The following CDK14 variants were observed in gnomAD, a reference collection of about 807,000 sequenced individuals.
CDK14 encodes cyclin-dependent kinase 14.
Under a neutral mutation model 60.7 loss-of-function variants are expected in CDK14, and 34 were observed. The ratio of observed to expected loss-of-function variants is 0.56; its 90% CI spans 0.43 to 0.75. CDK14 has a LOEUF of 0.75. Ranked by LOEUF, CDK14 falls within the 30% of genes least tolerant of loss-of-function variation. The pLI is 0.00. For missense variants in CDK14, 482 were observed against 564.1 expected (o/e 0.85, Z 1.47); for synonymous variants, 197 against 203.7 (o/e 0.97, Z 0.28).
intron 10 of CDK14, among the ~76,000 whole-genome samples, chr7:91,045,185 A>T (rs1256779197): frequency 8.5e-5 from 13 of 152,176 alleles, no homozygotes; most frequent in Non-Finnish European, 1.9e-4. Flanking sequence ...CATTGAGTGT[A>T]AGAGCCATAG....
At chr7:90,749,572 A>T (rs1584854484) in intron 4 of CDK14, among the ~76,000 whole-genome samples, 1 of 152,184 alleles carries the variant, frequency 6.6e-6, no homozygotes, top group Non-Finnish European at 1.5e-5. Flanking sequence ...GCACCAGTTC[A>T]CCTGGAATGG....
intron 14 of CDK14, among the ~76,000 whole-genome samples, chr7:91,155,166 A>G (rs1055740391): frequency 1.9e-4 from 29 of 152,208 alleles, no homozygotes; most frequent in African/African-American, 7.0e-4. Context: ...GGAGGAAAGT[A>G]GAGAGAAGGA....
rs183169423 is a variant in CDK14, at chr7:90,840,461, C to G, written c.545-22714C>G. Among the ~76,000 whole-genome samples the G allele has an allele frequency of 4.6e-5, 7 of 152,312 alleles. No homozygotes were observed. The East Asian group carries it at 1.4e-3, about 29-fold the overall frequency. ...AATAACCAGAACAGGACATTCTTCT[C>G]TAATTAACTATAAGTTCCCATTTGA... On this transcript the variant is annotated intron_variant, in intron 5 of 14. Coordinates refer to ENST00000380050, the MANE Select transcript of CDK14 (RefSeq NM_001287135.2).
At chr7:90,957,388 A>G (rs1794460231) in intron 9 of CDK14, among the ~76,000 whole-genome samples, 1 of 152,204 alleles carries the variant, frequency 6.6e-6, no homozygotes, top group Admixed American at 6.5e-5. Flanking sequence ...AGGGTATTCA[A>G]TTAAGAAAAG....
At chr7:90,770,104 T>C (rs1648342085) in intron 4 of CDK14, among the ~76,000 whole-genome samples, 1 of 152,264 alleles carries the variant, frequency 6.6e-6, no homozygotes, top group Middle Eastern at 3.2e-3. Flanking sequence ...TTTGTAGCAC[T>C]AAACGCAGCA....
intron 14 of CDK14, among the ~76,000 whole-genome samples, chr7:91,204,679 T>G (rs1174556946): frequency 6.6e-6 from 1 of 152,230 alleles, no homozygotes; most frequent in Non-Finnish European, 1.5e-5. Context: ...TTGGGCATGG[T>G]GGCTCATGCC....
chr7:90,888,456 A>G (rs2117309513), intron 6 of CDK14, among the ~76,000 whole-genome samples: 1 of 152,282 alleles, frequency 6.6e-6, no homozygotes, highest in East Asian at 1.9e-4. Flanking sequence ...TTATTTTTTA[A>G]AAGACTCTAT....
At chr7:90,736,344 G>GCTTTTTTTT (rs1563063351) in intron 3 of CDK14, among the ~76,000 whole-genome samples, 6 of 40,996 alleles carry the variant, frequency 1.5e-4, no homozygotes, top group Non-Finnish European at 1.8e-4. Flanking sequence ...ACTTTATTAT[G>GCTTTTTTTT]TTTTTGTTTT....
intron 14 of CDK14, among the ~76,000 whole-genome samples, chr7:91,201,634 TG>T (rs1802730837): frequency 6.6e-6 from 1 of 151,826 alleles, no homozygotes; most frequent in African/African-American, 2.4e-5. Context: ...GCACACTGAG[TG>T]GGGGTCCTCA....
intron 14 of CDK14, among the ~76,000 whole-genome samples, chr7:91,190,150 A>G (rs1416732968): frequency 3.3e-5 from 5 of 152,198 alleles, no homozygotes; most frequent in Admixed American, 2.0e-4. Flanking sequence ...CTTACACCAT[A>G]TGTCCAAATG....
At chr7:90,983,455 G>A (rs542802224) in intron 9 of CDK14, among the ~76,000 whole-genome samples, 26 of 152,170 alleles carry the variant, frequency 1.7e-4, no homozygotes, top group South Asian at 2.1e-4. Context: ...CGAGACGGGC[G>A]GATCACAAGG....
chr7:90,786,755 AT>A (rs10661080), intron 4 of CDK14, among the ~76,000 whole-genome samples: 95 of 148,562 alleles, frequency 6.4e-4, no homozygotes, highest in African/African-American at 1.8e-3. Context: ...TTTCTCTAAA[AT>A]TTTTTTTTTT....
chr7:90,988,026 C>T (rs1414561977), intron 10 of CDK14, among the ~76,000 whole-genome samples: 1 of 152,156 alleles, frequency 6.6e-6, no homozygotes, highest in African/African-American at 2.4e-5. Flanking sequence ...AAATTAATAG[C>T]TTGTTACCCA....
At chr7:90,625,613 TATATC>T (rs1799860948) in intron 2 of CDK14, among the ~76,000 whole-genome samples, 1 of 152,226 alleles carries the variant, frequency 6.6e-6, no homozygotes, top group Admixed American at 6.5e-5. Flanking sequence ...AATATTGTGT[TATATC>T]ATGTCTAGGA....
intron 11 of CDK14, among the ~76,000 whole-genome samples, chr7:91,046,950 T>C (rs1156842068): frequency 6.6e-6 from 1 of 152,226 alleles, no homozygotes; most frequent in Non-Finnish European, 1.5e-5. Context: ...ATTTTTCTTC[T>C]GAAAGTGCGC....
intron 9 of CDK14, among the ~76,000 whole-genome samples, chr7:90,972,190 C>T (rs1464191911): frequency 6.6e-6 from 1 of 152,134 alleles, no homozygotes; most frequent in Non-Finnish European, 1.5e-5. Context: ...TATTTTCATT[C>T]CTTAAGAGCA....
chr7:91,086,653 C>T (rs1798649143), intron 12 of CDK14, among the ~76,000 whole-genome samples: 1 of 151,164 alleles, frequency 6.6e-6, no homozygotes, highest in Non-Finnish European at 1.5e-5. Flanking sequence ...CTCACTGGGC[C>T]CCTGTGGGTG....
At chr7:90,725,078 A>G (rs1048805470) in intron 2 of CDK14, among the ~76,000 whole-genome samples, 1 of 152,184 alleles carries the variant, frequency 6.6e-6, no homozygotes, top group African/African-American at 2.4e-5. Flanking sequence ...TAGTTGAGAC[A>G]TACTCATAGG....
At chr7:91,098,241 A>G (rs1377002108) in intron 12 of CDK14, among the ~76,000 whole-genome samples, 1 of 152,224 alleles carries the variant, frequency 6.6e-6, no homozygotes, top group Admixed American at 6.5e-5. Context: ...TTTGCTTTGA[A>G]CTAAACTTTA....
Sources: gnomAD v4.1 joint callset for allele counts (sites outside exome capture counted in the v4.1 genomes callset) on GRCh38, gnomAD v4.1.1 for gene constraint, MANE v1.5 for transcripts, NCBI Gene and HGNC (gene_info 2026-07-23, HGNC 2026-07-21) for gene names.